Variants in PIK3R3 observed in about 807,000 individuals in gnomAD.
The protein encoded by PIK3R3 is phosphoinositide-3-kinase regulatory subunit 3.
PIK3R3 carries 64 observed loss-of-function variants against 62.9 expected under a neutral mutation model. The observed-to-expected ratio is 1.02, with a 90% confidence interval of 0.83 to 1.25. The LOEUF is 1.25. Ranked by LOEUF, PIK3R3 falls within the 50% of genes most tolerant of loss-of-function variation. The pLI, the probability that PIK3R3 is intolerant of heterozygous loss-of-function variation, is 0.00. For missense variants in PIK3R3, 614 were observed against 561.6 expected, an observed-to-expected ratio of 1.09 and a Z score of -0.94; for synonymous variants, 165 against 189.0, an observed-to-expected ratio of 0.87 and a Z score of 1.04.
chr1:46,067,689 C>A (rs1394303013), intron 3 of PIK3R3, among the ~76,000 whole-genome samples: 1 of 152,150 alleles, frequency 6.6e-6, no homozygotes, highest in East Asian at 1.9e-4. Context: ...GTCTTTTACA[C>A]TTGCTTATAA....
At chr1:46,057,849 T>C (rs1340811253) in intron 6 of PIK3R3, among the ~76,000 whole-genome samples, 1 of 147,620 alleles carries the variant, frequency 6.8e-6, no homozygotes, top group Non-Finnish European at 1.5e-5. Flanking sequence ...CAATAGAAAA[T>C]AAAATTCCAT....
chr1:46,120,106 C>T (rs1032268180), intron 1 of PIK3R3, among the ~76,000 whole-genome samples: 9 of 152,096 alleles, frequency 5.9e-5, no homozygotes, highest in Non-Finnish European at 1.3e-4. Flanking sequence ...GCAAAATGTT[C>T]TCTTACACTC....
chr1:46,043,780 C>T lies in PIK3R3; in HGVS notation c.1279G>A (p.Glu427Lys), dbSNP rs1416484963. 6.2e-7 allele frequency: 1 copy of T among 1,614,114 alleles called. No homozygotes were observed. Among genetic ancestry groups the T allele is most frequent in the Non-Finnish European group, 8.5e-7 (1 of 1,180,002 alleles). The change falls in exon 10 of 10, where the codon GAG becomes AAG. Residue 427 changes from glutamate (E) to lysine (K), a missense_variant. Coordinates refer to ENST00000262741, the MANE Select transcript of PIK3R3 (RefSeq NM_003629.4). The part of the protein sequence containing the change: ...EPYNLYSSLK[E>K]LVLHYQQTSL... ...GTCTGCTGGTAATGGAGCACTAGCTCCTTCAGAGAGCTGTACAGGTTGTAG... is the reference window on the plus strand; with the variant it reads ...GTCTGCTGGTAATGGAGCACTAGCTTCTTCAGAGAGCTGTACAGGTTGTAG...
At chr1:46,101,640 A>G (rs1652688367) in intron 1 of PIK3R3, among the ~76,000 whole-genome samples, 1 of 152,258 alleles carries the variant, frequency 6.6e-6, no homozygotes, top group Non-Finnish European at 1.5e-5. Context: ...TACATGCCGC[A>G]ATATGGATGA....
intron 1 of PIK3R3, among the ~76,000 whole-genome samples, chr1:46,112,219 C>A (rs1484086272): frequency 6.6e-6 from 1 of 152,146 alleles, no homozygotes; most frequent in Non-Finnish European, 1.5e-5. Context: ...ATACACATTT[C>A]TTTATAACTT....
At chr1:46,118,467 T>C (rs550551063) in intron 1 of PIK3R3, among the ~76,000 whole-genome samples, 1 of 152,236 alleles carries the variant, frequency 6.6e-6, no homozygotes, top group East Asian at 1.9e-4. Context: ...CTTCTCATCT[T>C]ATACGAGTTT....
intron 2 of PIK3R3, among the ~76,000 whole-genome samples, chr1:46,079,731 A>G (rs1249927428): frequency 1.3e-5 from 2 of 152,148 alleles, no homozygotes; most frequent in Admixed American, 6.5e-5. Flanking sequence ...AGGTAGGTGG[A>G]TCACCTGAGG....
chr1:46,173,840 C>G, the PIK3R3 span, among the ~76,000 whole-genome samples: 1 of 152,206 alleles, frequency 6.6e-6, no homozygotes, highest in African/African-American at 2.4e-5. Flanking sequence ...CAGATACACA[C>G]AGACACAAGT....
At chr1:46,105,869 T>TA (rs1653158672) in intron 1 of PIK3R3, among the ~76,000 whole-genome samples, 1 of 151,904 alleles carries the variant, frequency 6.6e-6, no homozygotes, top group Non-Finnish European at 1.5e-5. Context: ...ATTAATTAAA[T>TA]AAAAAACAGC....
chr1:46,061,968 T>C lies in PIK3R3; in HGVS notation c.725A>G (p.Glu242Gly), dbSNP rs1012041068. The change falls in exon 6 of 10, where the codon GAG (glutamate) becomes GGG (glycine). Residue 242 changes from glutamate to glycine, a missense_variant. Coordinates refer to ENST00000262741, the MANE Select transcript of PIK3R3 (RefSeq NM_003629.4). ...TTCATTCCCCTCTCTGCGAAATCGC[T>C]CAATATATTCTTTGCTATGTTGTTC... ...TQEQHSKEYIERFRREGNEKE... is the reference protein window; with the variant it reads ...TQEQHSKEYIGRFRREGNEKE... 1.2e-5 allele frequency: 19 copies of C among 1,613,422 alleles called. No homozygotes were observed. Among genetic ancestry groups the C allele is most frequent in the Non-Finnish European group, 1.6e-5 (19 of 1,179,504 alleles).
At position 46,041,554 on chromosome 1, in the gene PIK3R3, A is replaced by T. The variant is rs1646997161; in HGVS notation, c.*2119T>A. The T allele has an allele frequency of 5.6e-6, 1 of 178,186 alleles. No homozygotes were observed. 11.0% of individuals were successfully genotyped at this position (178,186 alleles called of 1,614,324 possible). On this transcript the variant is annotated 3_prime_UTR_variant, in exon 10 of 10. Coordinates refer to ENST00000262741, the MANE Select transcript of PIK3R3 (RefSeq NM_003629.4). ...GTATTTCCATTTTGGTTTAAAAGAC[A>T]CTCAGAACACACTGAAATTTTAGTA...
At chr1:46,129,519 T>A (rs1446102828) in intron 1 of PIK3R3, among the ~76,000 whole-genome samples, 1 of 152,028 alleles carries the variant, frequency 6.6e-6, no homozygotes, top group Non-Finnish European at 1.5e-5. Flanking sequence ...AATCATCAGA[T>A]GATACTCTTA....
At chr1:46,158,777 A>G in the PIK3R3 span, among the ~76,000 whole-genome samples, 1 of 152,216 alleles carries the variant, frequency 6.6e-6, no homozygotes, top group Non-Finnish European at 1.5e-5. Context: ...GTTGAAGACT[A>G]AGTTGTCATC....
chr1:46,102,984 CA>C (rs981512286), intron 1 of PIK3R3, among the ~76,000 whole-genome samples: 1 of 152,118 alleles, frequency 6.6e-6, no homozygotes. Context: ...GAATATTATT[CA>C]GCCTTAAAAA....
chr1:46,111,036 T>C (rs1022435470), intron 1 of PIK3R3, among the ~76,000 whole-genome samples: 1 of 152,112 alleles, frequency 6.6e-6, no homozygotes, highest in African/African-American at 2.4e-5. Context: ...GTAAGATACG[T>C]AGCTGCCTCT....
intron 3 of PIK3R3, among the ~76,000 whole-genome samples, chr1:46,067,602 T>C (rs1459215336): frequency 6.6e-6 from 1 of 152,134 alleles, no homozygotes; most frequent in Admixed American, 6.5e-5. Context: ...GGTTTTGTTG[T>C]TAATGCACAA....
At chr1:46,077,291 CT>C (rs1650152027) in intron 3 of PIK3R3, among the ~76,000 whole-genome samples, 1 of 152,078 alleles carries the variant, frequency 6.6e-6, no homozygotes, top group Non-Finnish European at 1.5e-5. Context: ...GGATTTTAAC[CT>C]TTTCATTTTC....
chr1:46,129,595 G>GA (rs1655404072), intron 1 of PIK3R3, among the ~76,000 whole-genome samples: 2 of 152,092 alleles, frequency 1.3e-5, no homozygotes, highest in Non-Finnish European at 2.9e-5. Flanking sequence ...AGCAGTCCAG[G>GA]AAGGAAATAA....
chr1:46,100,853 T>C (rs1049123151), intron 1 of PIK3R3, among the ~76,000 whole-genome samples: 2 of 152,316 alleles, frequency 1.3e-5, no homozygotes, highest in African/African-American at 4.8e-5. Context: ...TCAATTGTTG[T>C]CATTGTAGCT....
Sources: allele counts gnomAD v4.1 joint callset (sites outside exome capture counted in the v4.1 genomes callset), GRCh38; gene constraint gnomAD v4.1.1; transcripts MANE v1.5; gene names NCBI Gene and HGNC (gene_info 2026-07-23, HGNC 2026-07-21).